SAMMSON: variants seen among roughly 807,000 people sequenced by gnomAD.
SAMMSON encodes the protein survival associated mitochondrial melanoma specific oncogenic non-coding RNA.
intron 1 of SAMMSON, among the ~76,000 whole-genome samples, chr3:70,008,334 T>G (rs2066938670): frequency 6.6e-6 from 1 of 152,172 alleles, no homozygotes; most frequent in African/African-American, 2.4e-5. Flanking sequence ...AGCGGTGGTT[T>G]GTAGTTCTCC....
At chr3:70,213,319 T>C (rs759141499) in intron 4 of SAMMSON, among the ~76,000 whole-genome samples, 1 of 152,148 alleles carries the variant, frequency 6.6e-6, no homozygotes, top group Non-Finnish European at 1.5e-5. Context: ...AAGTTTTTCT[T>C]GTGAGCAGTA....
intron 3 of SAMMSON, among the ~76,000 whole-genome samples, chr3:70,037,415 T>A (rs925078515): frequency 2.0e-5 from 3 of 152,122 alleles, no homozygotes; most frequent in African/African-American, 7.2e-5. Context: ...GATTGGTTCA[T>A]AACTCAATCT....
chr3:70,336,841 TG>T lies in SAMMSON; in HGVS notation n.740-17333del, dbSNP rs1244296596. 9.7e-4 allele frequency among the ~76,000 whole-genome samples: 145 copies of T among 149,714 alleles called. No individual in the cohort carries two copies. The Middle Eastern group carries it at 0.028, about 28-fold the overall frequency. On this transcript the variant is annotated intron_variant and non_coding_transcript_variant, in intron 7 of 9. Coordinates refer to ENST00000642114, the Ensembl canonical transcript of SAMMSON. ...GTGTGTGTGTGTGTGTGTGTGTGTG[TG>T]TGTGTGTGTGTGTGTGGAGAGAGAG... is the stretch of plus-strand genomic sequence containing the variant.
chr3:70,198,590 T>C (rs1225086831), intron 4 of SAMMSON, among the ~76,000 whole-genome samples: 2 of 152,110 alleles, frequency 1.3e-5, no homozygotes, highest in African/African-American at 2.4e-5. Context: ...CTTTCCTCTT[T>C]TTCTCTCCAT....
chr3:70,034,847 A>C (rs933178082), intron 3 of SAMMSON, among the ~76,000 whole-genome samples: 1 of 152,134 alleles, frequency 6.6e-6, no homozygotes, highest in Non-Finnish European at 1.5e-5. Context: ...CCATCTCAAA[A>C]AAAGGAAACA....
intron 3 of SAMMSON, among the ~76,000 whole-genome samples, chr3:70,067,650 A>G (rs73836054): frequency 0.019 from 2,822 of 152,226 alleles, 91 homozygotes; most frequent in African/African-American, 0.063. Flanking sequence ...GAAGGCAAGA[A>G]GAGCCAGTTT....
At position 70,041,743 on chromosome 3, in the gene SAMMSON, G is replaced by C. The variant is rs538905979; in HGVS notation, n.417+28071G>C. ...TATTAGGTGTTATTAGTAATCTAGA[G>C]ATGATTTAAAGTATAAAAGAGGATG... On this transcript the variant is annotated intron_variant and non_coding_transcript_variant, in intron 3 of 9. Coordinates refer to ENST00000642114, the Ensembl canonical transcript of SAMMSON. Among the ~76,000 whole-genome samples, 464 of 152,190 alleles carry C rather than the reference G, an allele frequency of 3.0e-3. 2 individuals are homozygous for C. The highest frequency in any genetic ancestry group is 5.4e-3 in the Non-Finnish European group (368 of 68,002).
chr3:70,056,116 C>T (rs894461951), intron 3 of SAMMSON, among the ~76,000 whole-genome samples: 4 of 152,042 alleles, frequency 2.6e-5, no homozygotes, highest in Admixed American at 2.6e-4. Context: ...TTCTTTCTTT[C>T]CCATTCTTTT....
chr3:70,404,353 C>T (rs1701163666), intron 2 of SAMMSON, among the ~76,000 whole-genome samples: 2 of 152,206 alleles, frequency 1.3e-5, no homozygotes, highest in Admixed American at 6.5e-5. Flanking sequence ...CTATATAAAA[C>T]ATTAATGGAC....
At chr3:70,037,717 A>G (rs567570738) in intron 3 of SAMMSON, among the ~76,000 whole-genome samples, 24 of 152,286 alleles carry the variant, frequency 1.6e-4, no homozygotes, top group African/African-American at 4.8e-4. Flanking sequence ...CCTGTGGCAG[A>G]CATTACTAGT....
intron 9 of SAMMSON, among the ~76,000 whole-genome samples, chr3:70,359,145 T>A (rs542596762): frequency 6.6e-6 from 1 of 152,250 alleles, no homozygotes; most frequent in African/African-American, 2.4e-5. Flanking sequence ...GCAAAAATGA[T>A]TATTCTTGCT....
intron 1 of SAMMSON, among the ~76,000 whole-genome samples, chr3:70,006,281 T>G (rs751839964): frequency 1.3e-5 from 2 of 152,316 alleles, no homozygotes; most frequent in African/African-American, 4.8e-5. Context: ...TCTCACACAT[T>G]TGTGGAGTGT....
At chr3:70,183,450 A>G (rs1289295787) in intron 4 of SAMMSON, 3 of 152,206 alleles carry the variant, frequency 2.0e-5, no homozygotes, top group Non-Finnish European at 4.4e-5. Context: ...AAACAGAGGA[A>G]TTGTTGAATA....
At chr3:70,041,939 GA>G (rs1336278614) in intron 3 of SAMMSON, among the ~76,000 whole-genome samples, 1 of 152,086 alleles carries the variant, frequency 6.6e-6, no homozygotes, top group African/African-American at 2.4e-5. Flanking sequence ...ATGAGGCTGA[GA>G]AATAGAGCAA....
intron 1 of SAMMSON, among the ~76,000 whole-genome samples, chr3:70,008,721 T>G (rs936086048): frequency 2.0e-5 from 3 of 152,210 alleles, no homozygotes; most frequent in East Asian, 1.9e-4. Context: ...TGTGCCAGTT[T>G]TCAAAGGGAA....
At chr3:70,037,521 G>A (rs2107585507) in intron 3 of SAMMSON, among the ~76,000 whole-genome samples, 1 of 152,230 alleles carries the variant, frequency 6.6e-6, no homozygotes, top group Admixed American at 6.5e-5. Context: ...GATGGAGAGA[G>A]AAAAAGGAGG....
At chr3:70,412,095 G>C (rs1295582789) in intron 2 of SAMMSON, among the ~76,000 whole-genome samples, 1 of 152,106 alleles carries the variant, frequency 6.6e-6, no homozygotes, top group East Asian at 1.9e-4. Context: ...ATGTTAATGA[G>C]GGGAAGCTTT....
At chr3:70,157,926 C>T (rs951403470) in intron 4 of SAMMSON, among the ~76,000 whole-genome samples, 20 of 152,004 alleles carry the variant, frequency 1.3e-4, no homozygotes, top group Non-Finnish European at 2.5e-4. Context: ...ACTCCAGAGC[C>T]CCCACTCTTG....
chr3:70,106,812 T>G (rs2067368957), intron 4 of SAMMSON, among the ~76,000 whole-genome samples: 1 of 152,184 alleles, frequency 6.6e-6, no homozygotes, highest in African/African-American at 2.4e-5. Context: ...CATGTGTTGG[T>G]TAAGATAGCC....
Sources: gnomAD v4.1 joint callset for allele counts (sites outside exome capture counted in the v4.1 genomes callset) on GRCh38, gnomAD v4.1.1 for gene constraint, MANE v1.5 for transcripts, NCBI Gene and HGNC (gene_info 2026-07-23, HGNC 2026-07-21) for gene names.